The following MOGAT3 variants were observed in gnomAD, a reference collection of about 807,000 sequenced individuals.
MOGAT3 encodes 2-acylglycerol O-acyltransferase 3.
In MOGAT3, 39 loss-of-function variants were observed where a neutral mutation model predicts 34.4. The ratio of observed to expected loss-of-function variants is 1.13; its 90% CI spans 0.88 to 1.48. The LOEUF is 1.48. Ranked by LOEUF, MOGAT3 falls within the 40% of genes most tolerant of loss-of-function variation. The probability of loss-of-function intolerance (pLI) is 0.00; values close to 1 mark genes in which losing one functional copy is unlikely to be tolerated. For missense variants in MOGAT3, 439 were observed against 438.9 expected (o/e 1.00, Z 0.00); for synonymous variants, 209 against 179.2 (o/e 1.17, Z -1.33).
rs1797930251 is a variant in MOGAT3 at position 101,200,556 on chromosome 7, C to G, written c.110-41G>C. The stretch of plus-strand genomic sequence containing the variant: ...GAAAGAAAAGAGTTCACTTCTGAAA[C>G]TCCATCATTCCCTCCAGCTGCTCCC... On this transcript the variant is annotated intron_variant, in intron 1 of 6. Coordinates refer to ENST00000223114, the MANE Select transcript of MOGAT3 (RefSeq NM_178176.4). 6 of 1,479,626 alleles carry G rather than the reference C, an allele frequency of 4.1e-6. No individual in the cohort carries two copies. In the African/African-American group the frequency reaches 7.0e-5, roughly 17 times the overall value. The allele number at this position is 1,479,626 out of a possible 1,614,324, so 91.7% of individuals were successfully genotyped here.
In MOGAT3 at chr7:101,200,227, C is replaced by CCAT. The variant is rs765591086; in HGVS notation, c.288+4_288+6dup. 12 of 1,612,544 alleles carry CCAT rather than the reference C, an allele frequency of 7.4e-6. No individual in the cohort carries two copies. Among genetic ancestry groups the CCAT allele is most frequent in the Non-Finnish European group, 1.0e-5 (12 of 1,178,794 alleles). ...GGAAGCAGTTTTTCTGCAGGGTGACCCATCACCTTGACAGGATAATAATCC... is the reference window on the plus strand; with the variant it reads ...GGAAGCAGTTTTTCTGCAGGGTGACCCATCATCACCTTGACAGGATAATAATCC... On this transcript the variant is annotated splice_region_variant and intron_variant, in intron 3 of 6. Coordinates refer to ENST00000223114, the MANE Select transcript of MOGAT3 (RefSeq NM_178176.4).
Position 101,200,258 on chromosome 7 carries a change from T to C in MOGAT3, c.264A>G (p.Gln88=). The C allele has an allele frequency of 6.2e-7, 1 of 1,614,038 alleles. No individual in the cohort carries two copies. The highest frequency in any genetic ancestry group is 8.5e-7 in the Non-Finnish European group (1 of 1,179,992). ...CCTTGACAGGATAATAATCCCTTAG[T>C]TGTCTCCAAATTGCCCGGTTCCTTA... ...EWIRNRAIWR[Q]LRDYYPVKLV... Residue 88 remains glutamine (Q), a synonymous_variant, in exon 3 of 7, where the codon CAA becomes CAG. Transcript: ENST00000223114.
chr7:101,200,355 A>C lies in MOGAT3; in HGVS notation c.218-51T>G, dbSNP rs748905243. ...CGAACCCCCGGAGTCACCTCCCCTCACCCCCCATGTCCCCACCATCTCTGG... is the reference window on the plus strand; with the variant it reads ...CGAACCCCCGGAGTCACCTCCCCTCCCCCCCCATGTCCCCACCATCTCTGG... On this transcript the variant is annotated intron_variant, in intron 2 of 6. Coordinates refer to ENST00000223114, the MANE Select transcript of MOGAT3 (RefSeq NM_178176.4). 59 of 1,605,262 alleles carry C rather than the reference A, an allele frequency of 3.7e-5. No homozygotes were observed. The South Asian group carries it at 6.3e-4, about 17-fold the overall frequency.
At chr7:101,197,851 G>A (rs1797835857) in intron 5 of MOGAT3, among the ~76,000 whole-genome samples, 1 of 152,214 alleles carries the variant, frequency 6.6e-6, no homozygotes, top group Admixed American at 6.5e-5. Flanking sequence ...CTGGGCGACA[G>A]AGCGAGACTC....
chr7:101,199,639 C>T (rs1797897496), intron 3 of MOGAT3, among the ~76,000 whole-genome samples: 2 of 135,244 alleles, frequency 1.5e-5, no homozygotes, highest in African/African-American at 5.6e-5. Context: ...TTTTTAGAGA[C>T]GGTCTCACTC....
chr7:101,193,413 G>C (rs1269130594), downstream of MOGAT3, among the ~76,000 whole-genome samples: 2 of 151,974 alleles, frequency 1.3e-5, no homozygotes, highest in African/African-American at 4.8e-5. Flanking sequence ...CAAACCCAGA[G>C]CTGATTTATT....
chr7:101,198,976 C>A, intron 3 of MOGAT3, 146 bp from the exon 4 acceptor site: 1 of 561,266 alleles, frequency 1.8e-6, no homozygotes, highest in Non-Finnish European at 3.1e-6. Context: ...GTTAAAGGTT[C>A]TTAGGATAGG....
At position 101,198,346 on chromosome 7, in the gene MOGAT3, G is replaced by A. The variant is rs1797856270; in HGVS notation, c.513C>T (p.Arg171=). ...IMSFGLCPVS[R]QSLDFILSQP... ...GGGACAGGATGAAGTCCAGGCTCTG[G>A]CGGCTCACCGGACAGAGTCCTGTGG... Residue 171 remains arginine (R), a synonymous_variant, in exon 5 of 7, where the codon CGC becomes CGT. Coordinates refer to ENST00000223114, the MANE Select transcript of MOGAT3 (RefSeq NM_178176.4). 1 of 1,559,408 alleles carries A rather than the reference G, an allele frequency of 6.4e-7. No individual in the cohort carries two copies. Among genetic ancestry groups the A allele is most frequent in the Non-Finnish European group, 8.7e-7 (1 of 1,150,054 alleles).
chr7:101,198,307 C>T lies in MOGAT3; in HGVS notation c.552G>A (p.Gly184=), dbSNP rs753043581. 1.3e-6 allele frequency: 2 copies of T among 1,599,444 alleles called. No homozygotes were observed. Among genetic ancestry groups the T allele is most frequent in the Non-Finnish European group, 1.7e-6 (2 of 1,171,982 alleles). Residue 184 remains glycine (G), a synonymous_variant, in exon 5 of 7, where the codon GGG becomes GGA. Transcript: ENST00000223114. ...CCCCCACCATGATGACCACGGCCTG[C>T]CCGAGCTGGGGCTGGGACAGGATGA... ...LDFILSQPQL[G]QAVVIMVGGA...
At chr7:101,200,356 C>T (rs772583568) in intron 2 of MOGAT3, 52 bp from the exon 3 acceptor site, 5 of 1,606,856 alleles carry the variant, frequency 3.1e-6, no homozygotes, top group African/African-American at 2.7e-5. Flanking sequence ...CCTCCCCTCA[C>T]CCCCCATGTC....
Position 101,200,903 on chromosome 7 carries a change from C to G in MOGAT3, c.-49G>C. 6.7e-7 allele frequency: 1 copy of G among 1,490,472 alleles called. No individual in the cohort carries two copies. The highest frequency in any genetic ancestry group is 9.2e-7 in the Non-Finnish European group (1 of 1,083,448). The allele number at this position is 1,490,472 out of a possible 1,614,324, so 92.3% of individuals were successfully genotyped here. ...AGGATCCCAGAACCCGGAGGACAAACGATGAAGGCTTGGATGTGGACCTGG... is the reference window on the plus strand; with the variant it reads ...AGGATCCCAGAACCCGGAGGACAAAGGATGAAGGCTTGGATGTGGACCTGG... On this transcript the variant is annotated 5_prime_UTR_variant, in exon 1 of 7. Transcript: ENST00000223114.
chr7:101,200,896 G>T lies in MOGAT3; in HGVS notation c.-42C>A. 1.3e-6 allele frequency: 2 copies of T among 1,527,120 alleles called. No individual in the cohort carries two copies. Among genetic ancestry groups the T allele is most frequent in the South Asian group, 1.2e-5 (1 of 85,238 alleles). 94.6% of individuals were successfully genotyped at this position (1,527,120 alleles called of 1,614,324 possible). On this transcript the variant is annotated 5_prime_UTR_variant, in exon 1 of 7. Coordinates refer to ENST00000223114, the MANE Select transcript of MOGAT3 (RefSeq NM_178176.4). ...TTCCAGCAGGATCCCAGAACCCGGA[G>T]GACAAACGATGAAGGCTTGGATGTG...
rs1376998435 is a variant in MOGAT3 at position 101,198,180 on chromosome 7, C to G, written c.668+11G>C. ...AGAGAACTGACAGGTAGGGCCTGCA[C>G]GCGCACTCACCCGTGCCTCAGCGCC... On this transcript the variant is annotated intron_variant, in intron 5 of 6. Transcript: ENST00000223114. 6.2e-7 allele frequency: 1 copy of G among 1,605,502 alleles called. No homozygotes were observed. Among genetic ancestry groups the G allele is most frequent in the South Asian group, 1.1e-5 (1 of 90,236 alleles).
intron 3 of MOGAT3, among the ~76,000 whole-genome samples, chr7:101,199,309 CT>C (rs1021397424): frequency 1.3e-5 from 2 of 151,764 alleles, no homozygotes; most frequent in Admixed American, 1.3e-4. Flanking sequence ...CCCACTCTCT[CT>C]TTTTTTCTTT....
chr7:101,198,186 C>A lies in MOGAT3; in HGVS notation c.668+5G>T, dbSNP rs148666008. 1,418 of 1,609,132 alleles carry A rather than the reference C, an allele frequency of 8.8e-4. 1 individual carries two copies. Among genetic ancestry groups the A allele is most frequent in the Non-Finnish European group, 1.1e-3 (1,344 of 1,177,368 alleles). ...CTGACAGGTAGGGCCTGCACGCGCA[C>A]TCACCCGTGCCTCAGCGCCAGGCGC... On this transcript the variant is annotated splice_donor_5th_base_variant and intron_variant, in intron 5 of 6. Coordinates refer to ENST00000223114, the MANE Select transcript of MOGAT3 (RefSeq NM_178176.4).
intron 4 of MOGAT3, 39 bp downstream of exon 4, chr7:101,198,571 TGGGGAACATCTGGTCA>T (rs980497445): frequency 2.1e-5 from 33 of 1,548,600 alleles, no homozygotes; most frequent in Non-Finnish European, 2.7e-5. Context: ...CCAGAGGGGC[TGGGGAACATCTGGTCA>T]GGAGTCTCCT....
At chr7:101,194,961 C>G (rs1360271845), downstream of MOGAT3, 1 of 152,442 alleles carries the variant, frequency 6.6e-6, no homozygotes, top group Non-Finnish European at 1.5e-5. Flanking sequence ...AAGCCTGCCT[C>G]TCCACGCATC....
At position 101,198,839 on chromosome 7, in the gene MOGAT3, T is replaced by C; in HGVS notation, c.289-9A>G. 2 of 1,613,094 alleles carry C rather than the reference T, an allele frequency of 1.2e-6. No homozygotes were observed. Among genetic ancestry groups the C allele is most frequent in the Non-Finnish European group, 8.5e-7 (1 of 1,179,698 alleles). On this transcript the variant is annotated splice_polypyrimidine_tract_variant and intron_variant, in intron 3 of 6. Coordinates refer to ENST00000223114, the MANE Select transcript of MOGAT3 (RefSeq NM_178176.4). ...TCTGCTGTTTTCACCAGCTTCGGGG[T>C]GTTGAGCAGGATGAAGGGAGGATGG... is the stretch of plus-strand genomic sequence containing the variant.
rs766149996 is a variant in MOGAT3, at chr7:101,200,320, T to C, written c.218-16A>G. ...CGCCTTCCACCTGCGGACAATGAGA[T>C]ACTGGTGGACGAACCCCCGGAGTCA... On this transcript the variant is annotated splice_polypyrimidine_tract_variant and intron_variant, in intron 2 of 6. Transcript: ENST00000223114. 2.5e-6 allele frequency: 4 copies of C among 1,613,636 alleles called. No individual in the cohort carries two copies. The highest frequency in any genetic ancestry group is 3.4e-6 in the Non-Finnish European group (4 of 1,179,708).
Sources: gnomAD v4.1 joint callset for allele counts (sites outside exome capture counted in the v4.1 genomes callset) on GRCh38, gnomAD v4.1.1 for gene constraint, MANE v1.5 for transcripts, NCBI Gene and HGNC (gene_info 2026-07-23, HGNC 2026-07-21) for gene names.